Variants in CNTNAP1 observed in about 807,000 individuals in gnomAD.
The protein encoded by CNTNAP1 is contactin-associated protein 1.
In CNTNAP1, 80 loss-of-function variants were observed where a neutral mutation model predicts 161.5. That is an observed-to-expected ratio of 0.50 (90% CI 0.41 to 0.60). The LOEUF (loss-of-function observed/expected upper bound fraction) is 0.60, where lower values mean the gene tolerates loss of function less well. CNTNAP1 is among the 20% of genes least tolerant of loss of function. CNTNAP1 has a pLI of 0.00. For synonymous variants in CNTNAP1, 695 were observed against 733.1 expected, an observed-to-expected ratio of 0.95 and a Z score of 0.84; for missense variants, 1,464 against 1,854.8, an observed-to-expected ratio of 0.79 and a Z score of 3.87.
chr17:42,690,233 G>C (rs2053067602), intron 12 of CNTNAP1, 26 bp downstream of exon 12: 1 of 1,613,096 alleles, frequency 6.2e-7, no homozygotes, highest in African/African-American at 1.3e-5. Flanking sequence ...GGGTGGTGAG[G>C]GGGTGAGGGG....
intron 3 of CNTNAP1, 87 bp from the exon 4 acceptor site, chr17:42,684,904 G>C: frequency 6.8e-7 from 1 of 1,474,360 alleles, no homozygotes; most frequent in Non-Finnish European, 9.0e-7. Context: ...CAGCCTGGGC[G>C]ACAGAGCGAG....
chr17:42,693,243 G>A, intron 17 of CNTNAP1, 54 bp from the exon 18 acceptor site: 2 of 1,604,086 alleles, frequency 1.2e-6, no homozygotes, highest in East Asian at 2.2e-5. Flanking sequence ...ACAGGCGTGA[G>A]CCACCGCGCC....
rs772205847 is a variant in CNTNAP1, at chr17:42,689,490, C to A, written c.1629-31C>A. 9.6e-6 allele frequency: 15 copies of A among 1,561,760 alleles called. No homozygotes were observed. In the South Asian group the frequency reaches 1.5e-4, roughly 15 times the overall value. ...CCCCACTCTCCAGCTCCCAGTAAGG[C>A]TCCTTCCCTTGGTCCTGACCCCTTC... On this transcript the variant is annotated intron_variant, in intron 10 of 23. Transcript: ENST00000264638.
At position 42,684,107 on chromosome 17, in the gene CNTNAP1, C is replaced by G. The variant is rs749287940; in HGVS notation, c.241C>G (p.Arg81Gly). 6.2e-7 allele frequency: 1 copy of G among 1,614,188 alleles called. No individual in the cohort carries two copies. Among genetic ancestry groups the G allele is most frequent in the South Asian group, 1.1e-5 (1 of 91,092 alleles). Residue 81 changes from arginine to glycine, a missense_variant, in exon 3 of 24, where the codon CGG (arginine) becomes GGG (glycine). Coordinates refer to ENST00000264638, the MANE Select transcript of CNTNAP1 (RefSeq NM_003632.3). Reference sequence around the variant, plus strand: ...CCAGATAGACTTAATGAAGAAGCACCGGATCCGGGCCGTGGCCACACAGGG... The same window carrying G: ...CCAGATAGACTTAATGAAGAAGCACGGGATCCGGGCCGTGGCCACACAGGG... ...WLQIDLMKKHRIRAVATQGSF... is the reference protein window; with the variant it reads ...WLQIDLMKKHGIRAVATQGSF...
At position 42,691,585 on chromosome 17, in the gene CNTNAP1, C is replaced by T. The variant is rs1013055704; in HGVS notation, c.2344+74C>T. On this transcript the variant is annotated intron_variant, in intron 15 of 23. Transcript: ENST00000264638. This position sits in a 1 kb window ranked among gnomAD's most constrained non-coding sequence, Gnocchi z 4.3. ...TTTCCAAAATCTAGGCCGCATGTCA[C>T]TGGTGGTCTCTAGCTGGGGTGCCCG... is the stretch of plus-strand genomic sequence containing the variant. The T allele has an allele frequency of 6.3e-7, 1 of 1,589,002 alleles. No homozygotes were observed. The highest frequency in any genetic ancestry group is 8.6e-7 in the Non-Finnish European group (1 of 1,167,692).
chr17:42,696,989 C>T (rs2053159516), intron 20 of CNTNAP1, among the ~76,000 whole-genome samples: 1 of 152,004 alleles, frequency 6.6e-6, no homozygotes. Context: ...ACCTGAGCAA[C>T]ATAGCAAGAC....
Position 42,685,485 on chromosome 17 carries a change from G to T in CNTNAP1, c.715+65G>T. 3 of 1,477,200 alleles carry T rather than the reference G, an allele frequency of 2.0e-6. No individual in the cohort carries two copies. The highest frequency in any genetic ancestry group is 1.4e-5 in the African/African-American group (1 of 72,242). 91.5% of individuals were successfully genotyped at this position (1,477,200 alleles called of 1,614,324 possible). A position where few individuals can be genotyped will look rare whatever the true frequency, so the allele number is the denominator to read the frequency against. On this transcript the variant is annotated intron_variant, in intron 5 of 23. Coordinates refer to ENST00000264638, the MANE Select transcript of CNTNAP1 (RefSeq NM_003632.3). This position sits in a 1 kb window ranked among gnomAD's most constrained non-coding sequence, Gnocchi z 5.0. Reference sequence around the variant, plus strand: ...GAAGCTCTCTCACCGCCCTCCTCGTGGCACCTCCTCCGCGCATCCGCGCTC... The same window carrying T: ...GAAGCTCTCTCACCGCCCTCCTCGTTGCACCTCCTCCGCGCATCCGCGCTC...
Position 42,685,206 on chromosome 17 carries a change from C to T in CNTNAP1, c.512-11C>T, listed in dbSNP as rs992994009. 3.1e-6 allele frequency: 5 copies of T among 1,613,410 alleles called. No individual in the cohort carries two copies. In the Admixed American group the frequency reaches 8.3e-5, roughly 27 times the overall value. On this transcript the variant is annotated splice_polypyrimidine_tract_variant and intron_variant, in intron 4 of 23. Coordinates refer to ENST00000264638, the MANE Select transcript of CNTNAP1 (RefSeq NM_003632.3). The surrounding 1 kb of genome is among the most constrained non-coding windows in gnomAD (Gnocchi z 5.0). ...CCCCAGTTCCCGGCCCACCTACGGT[C>T]CTTTGCGCAGAGGCCGACATACTCT...
intron 3 of CNTNAP1, 74 bp downstream of exon 3, chr17:42,684,303 T>C: frequency 1.4e-6 from 2 of 1,437,652 alleles, no homozygotes; most frequent in South Asian, 2.6e-5. Context: ...CACCAGCCTC[T>C]GGGAAAATGG....
intron 21 of CNTNAP1, 69 bp from the exon 22 acceptor site, chr17:42,697,485 C>T: frequency 6.2e-7 from 1 of 1,609,828 alleles, no homozygotes; most frequent in Non-Finnish European, 8.5e-7. Flanking sequence ...GAGTGGGAAA[C>T]CTGTGGACAG....
rs201069899 is a variant in CNTNAP1, at chr17:42,698,597, T to C, written c.3863-21T>C. 70 of 1,571,532 alleles carry C rather than the reference T, an allele frequency of 4.5e-5. 1 individual carries two copies. In the East Asian group the frequency reaches 5.4e-4, roughly 12 times the overall value. On this transcript the variant is annotated intron_variant, in intron 23 of 23. Transcript: ENST00000264638. ...CAGGTGAGATCCCAAAGATCTGAAT[T>C]GTCCCTTTTCTTCTTTTCAGTTTTG...
chr17:42,685,232 A>G lies in CNTNAP1; in HGVS notation c.527A>G (p.Tyr176Cys). ...CTTTGCGCAGAGGCCGACATACTCT[A>G]TTTCGACGGCGACGATGCCATCTCC... ...YGCPYKADILYFDGDDAISYR... is the reference protein window; with the variant it reads ...YGCPYKADILCFDGDDAISYR... Residue 176 changes from tyrosine (Y) to cysteine (C), a missense_variant, in exon 5 of 24, where the codon TAT becomes TGT. Physicochemically the swap from Tyr to Cys is radical, Grantham distance 194. This residue lies in a region of CNTNAP1 where 1,383 missense variants were observed against 1,765.0 expected (regional missense o/e 0.78). Transcript: ENST00000264638. This position sits in a 1 kb window ranked among gnomAD's most constrained non-coding sequence, Gnocchi z 5.0. 1 of 1,613,736 alleles carries G rather than the reference A, an allele frequency of 6.2e-7. No individual in the cohort carries two copies. Among genetic ancestry groups the G allele is most frequent in the Non-Finnish European group, 8.5e-7 (1 of 1,180,010 alleles).
chr17:42,692,525 G>C lies in CNTNAP1; in HGVS notation c.2557G>C (p.Asp853His). The C allele has an allele frequency of 6.2e-7, 1 of 1,614,170 alleles. No individual in the cohort carries two copies. The highest frequency in any genetic ancestry group is 8.5e-7 in the Non-Finnish European group (1 of 1,180,020). The change falls in exon 17 of 24, where the codon GAT becomes CAT. Residue 853 changes from aspartate (D) to histidine (H), a missense_variant. Around this residue, in one of 3 missense-constraint regions of CNTNAP1, gnomAD observed 1,383 missense variants for 1,765.0 expected, o/e 0.78. Transcript: ENST00000264638. ...NTSRDVVFAF[D>H]VGNGDENLTV... Reference sequence around the variant, plus strand: ...ATCCCGGGATGTGGTCTTCGCCTTTGATGTGGGGAATGGGGATGAGAACCT... The same window carrying C: ...ATCCCGGGATGTGGTCTTCGCCTTTCATGTGGGGAATGGGGATGAGAACCT...
At position 42,695,717 on chromosome 17, in the gene CNTNAP1, C is replaced by G. The variant is rs372567278; in HGVS notation, c.3189C>G (p.Pro1063=). The change falls in exon 19 of 24, where the codon CCC becomes CCG. Residue 1063 remains proline, a synonymous_variant. Coordinates refer to ENST00000264638, the MANE Select transcript of CNTNAP1 (RefSeq NM_003632.3). ...HGPGYRLPDY[P]RPGRPVPGYR... Reference sequence around the variant, plus strand: ...CCGGGTACCGCCTGCCCGACTACCCCCGGCCTGGTCGGCCTGTGCCCGGTT... The same window carrying G: ...CCGGGTACCGCCTGCCCGACTACCCGCGGCCTGGTCGGCCTGTGCCCGGTT... 6.2e-7 allele frequency: 1 copy of G among 1,614,102 alleles called. No homozygotes were observed.
At chr17:42,688,359 G>A in intron 8 of CNTNAP1, 103 bp from the exon 9 acceptor site, 1 of 1,479,796 alleles carries the variant, frequency 6.8e-7, no homozygotes, top group Non-Finnish European at 9.4e-7. Context: ...GGGCACACAG[G>A]CTGCTACTGG....
Position 42,691,920 on chromosome 17 carries a change from G to C in CNTNAP1, c.2459G>C (p.Gly820Ala). 6.2e-7 allele frequency: 1 copy of C among 1,614,116 alleles called. No individual in the cohort carries two copies. The highest frequency in any genetic ancestry group is 8.5e-7 in the Non-Finnish European group (1 of 1,180,012). Residue 820 changes from glycine to alanine, a missense_variant, in exon 16 of 24, where the codon GGG becomes GCG. Gly to Ala is a moderately conservative substitution (Grantham distance 60). Around this residue, in one of 3 missense-constraint regions of CNTNAP1, gnomAD observed 1,383 missense variants for 1,765.0 expected, o/e 0.78. Coordinates refer to ENST00000264638, the MANE Select transcript of CNTNAP1 (RefSeq NM_003632.3). This position sits in a 1 kb window ranked among gnomAD's most constrained non-coding sequence, Gnocchi z 4.3. ...TACTTCAGGACCTCTGCTCCCTCGG[G>C]GGTCTTCCTAGAGAATATGGGGGGC... The part of the protein sequence containing the change: ...SFYFRTSAPS[G>A]VFLENMGGPY...
Position 42,697,297 on chromosome 17 carries a change from G to A in CNTNAP1, c.3498G>A (p.Glu1166=), listed in dbSNP as rs774712925. The A allele has an allele frequency of 1.9e-6, 3 of 1,613,892 alleles. No individual in the cohort carries two copies. The Admixed American group carries it at 5.0e-5, about 27-fold the overall frequency. The stretch of plus-strand genomic sequence containing the variant: ...AGGTGGACTACTTCCCACTGACAGA[G>A]CAGAAGTTCTCGCTGTTGGTGGACA... ...FIQVDYFPLT[E]QKFSLLVDSQ... Residue 1166 remains glutamate, a synonymous_variant, in exon 21 of 24, where the codon GAG becomes GAA. Transcript: ENST00000264638.
At chr17:42,690,015 C>G in intron 11 of CNTNAP1, 73 bp from the exon 12 acceptor site, 1 of 1,533,684 alleles carries the variant, frequency 6.5e-7, no homozygotes, top group Non-Finnish European at 8.9e-7. Flanking sequence ...GCTGGGATTA[C>G]AGGCCCGAGC....
Position 42,693,537 on chromosome 17 carries a change from G to GT in CNTNAP1, c.2992+2dup, listed in dbSNP as rs1597809876. 1.2e-6 allele frequency: 2 copies of GT among 1,612,244 alleles called. No individual in the cohort carries two copies. Among genetic ancestry groups the GT allele is most frequent in the Non-Finnish European group, 1.7e-6 (2 of 1,178,358 alleles). ...TTTGATGGGCCATACTGCAACCACG[G>GT]TAAGTGCTGCTGGTTATGGGGCAAC... On this transcript the variant is annotated splice_donor_variant, in intron 18 of 23. Coordinates refer to ENST00000264638, the MANE Select transcript of CNTNAP1 (RefSeq NM_003632.3). LOFTEE classifies it high-confidence loss of function.
Sources: gnomAD v4.1 joint callset for allele counts (sites outside exome capture counted in the v4.1 genomes callset) on GRCh38, gnomAD v4.1.1 for gene constraint, gnomAD v4.1.1 regional missense constraint, Gnocchi (gnomAD v3.1) non-coding constraint, MANE v1.5 for transcripts, NCBI Gene and HGNC (gene_info 2026-07-23, HGNC 2026-07-21) for gene names.